Variants in PAX5 observed in about 807,000 individuals in gnomAD.
PAX5 encodes paired box protein Pax-5.
Under a neutral mutation model 43.7 loss-of-function variants are expected in PAX5, and 9 were observed. The observed-to-expected ratio is 0.21, with a 90% CI of 0.12 to 0.36. The LOEUF is 0.36. Ranked by LOEUF, PAX5 falls within the 10% of genes least tolerant of loss-of-function variation. The probability of loss-of-function intolerance (pLI) is 1.00; values close to 1 mark genes in which losing one functional copy is unlikely to be tolerated. For missense variants in PAX5, 383 were observed against 532.7 expected, an observed-to-expected ratio of 0.72 and a Z score of 2.77; for synonymous variants, 228 against 214.3, an observed-to-expected ratio of 1.06 and a Z score of -0.56.
rs1827021548 is a variant in PAX5, at chr9:36,887,720, A to AATAAATCT, written c.911-5616_911-5615insAGATTTAT. On this transcript the variant is annotated intron_variant, in intron 7 of 9. Transcript: ENST00000358127. ...GGAAATATGGGCATAAATCTCCATG[A>AATAAATCT]CCCTGGATTCGGCAATAGTTTATTG... Among the ~76,000 whole-genome samples the AATAAATCT allele has an allele frequency of 7.2e-5, 11 of 152,332 alleles. No homozygotes were observed. The South Asian group carries it at 2.1e-3, about 29-fold the overall frequency.
At chr9:36,923,286 T>C in intron 7 of PAX5, 69 bp downstream of exon 7, 1 of 1,540,852 alleles carries the variant, frequency 6.5e-7, no homozygotes, top group Non-Finnish European at 8.7e-7. Context: ...AAGAAGCCAC[T>C]CTTCCCACCA....
At chr9:36,950,793 C>T (rs979442583) in intron 6 of PAX5, among the ~76,000 whole-genome samples, 4 of 143,488 alleles carry the variant, frequency 2.8e-5, no homozygotes, top group African/African-American at 5.1e-5. Context: ...CAGGCTGGAG[C>T]GCAATGCTGC....
At chr9:36,883,404 G>A (rs542870352) in intron 7 of PAX5, among the ~76,000 whole-genome samples, 1 of 152,294 alleles carries the variant, frequency 6.6e-6, no homozygotes, top group South Asian at 2.1e-4. Context: ...TGAATTAGGG[G>A]CAGGCTGTGG....
chr9:36,855,505 A>G (rs1217659572), intron 8 of PAX5, among the ~76,000 whole-genome samples: 1 of 151,900 alleles, frequency 6.6e-6, no homozygotes, highest in African/African-American at 2.4e-5. Flanking sequence ...TGTACAAATG[A>G]CCCCCCTGAA....
At chr9:36,890,745 A>T (rs1827309582) in intron 7 of PAX5, among the ~76,000 whole-genome samples, 1 of 152,212 alleles carries the variant, frequency 6.6e-6, no homozygotes, top group Non-Finnish European at 1.5e-5. Flanking sequence ...CCACAGCATC[A>T]GACTTCCTGG....
At chr9:36,995,750 G>A (rs532512999) in intron 5 of PAX5, among the ~76,000 whole-genome samples, 13 of 152,156 alleles carry the variant, frequency 8.5e-5, no homozygotes, top group Admixed American at 2.6e-4. Context: ...GCTCTCCAAG[G>A]CCCTTCCAGC....
chr9:36,881,276 A>T (rs1482665236), intron 8 of PAX5, among the ~76,000 whole-genome samples: 1 of 152,232 alleles, frequency 6.6e-6, no homozygotes, highest in Admixed American at 6.5e-5. Flanking sequence ...CTCATAAAAG[A>T]TGTGTAACAA....
intron 5 of PAX5, among the ~76,000 whole-genome samples, chr9:36,972,398 C>T (rs1834988643): frequency 6.6e-6 from 1 of 152,202 alleles, no homozygotes; most frequent in Non-Finnish European, 1.5e-5. Flanking sequence ...CCTCAGAGAC[C>T]CCAGTAGTAA....
chr9:37,017,868 G>A (rs188106140), intron 2 of PAX5, among the ~76,000 whole-genome samples: 110 of 152,346 alleles, frequency 7.2e-4, no homozygotes, highest in African/African-American at 2.4e-3. Flanking sequence ...ACCCCAACTC[G>A]AAACTGTGTC....
At chr9:36,912,176 G>A (rs1230859506) in intron 7 of PAX5, among the ~76,000 whole-genome samples, 1 of 152,262 alleles carries the variant, frequency 6.6e-6, no homozygotes, top group African/African-American at 2.4e-5. Context: ...CTGGGCAAAT[G>A]TCTCTTTGTC....
In PAX5 at chr9:36,835,722, G is replaced by C. The variant is rs1821594941; in HGVS notation, c.*4838C>G. ...CGAAAGAAATAGTTTCCCCAGGAGA[G>C]CTGGTGTGTGGCTGGGAACCATCAG... is the stretch of plus-strand genomic sequence containing the variant. On this transcript the variant is annotated 3_prime_UTR_variant, in exon 10 of 10. Transcript: ENST00000358127. 4 of 233,338 alleles carry C rather than the reference G, an allele frequency of 1.7e-5. No individual in the cohort carries two copies. The highest frequency in any genetic ancestry group is 4.4e-5 in the African/African-American group (2 of 45,476). 14.5% of individuals were successfully genotyped at this position (233,338 alleles called of 1,614,324 possible). A position where few individuals can be genotyped will look rare whatever the true frequency, so the allele number is the denominator to read the frequency against.
chr9:36,891,481 G>A (rs139906016), intron 7 of PAX5, among the ~76,000 whole-genome samples: 51 of 152,350 alleles, frequency 3.3e-4, no homozygotes, highest in African/African-American at 1.2e-3. Flanking sequence ...GTTTGAACAG[G>A]GTTGCTCTGG....
At chr9:37,026,756 C>G (rs1318076612) in intron 1 of PAX5, 7 of 982,126 alleles carry the variant, frequency 7.1e-6, no homozygotes, top group African/African-American at 7.0e-5. Context: ...CGGAGCTGCG[C>G]GGAGAGGCGG....
intron 5 of PAX5, among the ~76,000 whole-genome samples, chr9:37,001,685 A>C (rs1837867275): frequency 6.6e-6 from 1 of 152,168 alleles, no homozygotes; most frequent in Admixed American, 6.5e-5. Context: ...TTAAGTACTT[A>C]GGCATGTGCT....
intron 3 of PAX5, among the ~76,000 whole-genome samples, chr9:37,009,621 C>T (rs1838758454): frequency 6.6e-6 from 1 of 151,948 alleles, no homozygotes; most frequent in African/African-American, 2.4e-5. Flanking sequence ...TTTGATAGCA[C>T]AATGAGGATA....
intron 7 of PAX5, among the ~76,000 whole-genome samples, chr9:36,897,355 C>A (rs991540168): frequency 2.0e-5 from 3 of 152,036 alleles, no homozygotes; most frequent in East Asian, 3.9e-4. Flanking sequence ...GGGGAGGGGT[C>A]GATCTGTTCC....
At chr9:36,965,674 C>G (rs898116489) in intron 6 of PAX5, among the ~76,000 whole-genome samples, 2 of 152,208 alleles carry the variant, frequency 1.3e-5, no homozygotes, top group Admixed American at 1.3e-4. Context: ...AGCCAGTTCT[C>G]ACCACTAGTA....
intron 1 of PAX5, among the ~76,000 whole-genome samples, chr9:37,030,576 G>A (rs1232539866): frequency 6.6e-6 from 1 of 152,224 alleles, no homozygotes; most frequent in African/African-American, 2.4e-5. Flanking sequence ...GCCGGGCCCT[G>A]TGCTAGGCGC....
At chr9:37,030,589 G>A (rs554891626) in intron 1 of PAX5, among the ~76,000 whole-genome samples, 18 of 152,332 alleles carry the variant, frequency 1.2e-4, no homozygotes, top group African/African-American at 4.1e-4. Context: ...CTAGGCGCTG[G>A]GGGCAGGAGA....
Sources: allele counts gnomAD v4.1 joint callset (sites outside exome capture counted in the v4.1 genomes callset), GRCh38; gene constraint gnomAD v4.1.1; transcripts MANE v1.5; gene names NCBI Gene and HGNC (gene_info 2026-07-23, HGNC 2026-07-21).